The following SAMMSON variants were observed in gnomAD, a reference collection of about 807,000 sequenced individuals.
SAMMSON encodes long intergenic non-protein coding RNA 1212.
chr3:70,128,603 C>T (rs1165008884), intron 4 of SAMMSON, among the ~76,000 whole-genome samples: 1 of 152,180 alleles, frequency 6.6e-6, no homozygotes, highest in African/African-American at 2.4e-5. Flanking sequence ...TATCCTCTTT[C>T]AGAAATGTTT....
At chr3:70,365,950 T>C (rs1702916368) in intron 9 of SAMMSON, among the ~76,000 whole-genome samples, 1 of 150,816 alleles carries the variant, frequency 6.6e-6, no homozygotes, top group Non-Finnish European at 1.5e-5. Flanking sequence ...AGCTTAAAAA[T>C]TGTTTGTGCT....
At chr3:70,200,497 A>G (rs1701226981) in intron 4 of SAMMSON, among the ~76,000 whole-genome samples, 1 of 152,182 alleles carries the variant, frequency 6.6e-6, no homozygotes, top group African/African-American at 2.4e-5. Flanking sequence ...CCTGCATTGC[A>G]CACCCTCCTG....
At chr3:70,217,996 A>G (rs1440472819) in intron 4 of SAMMSON, among the ~76,000 whole-genome samples, 1 of 152,196 alleles carries the variant, frequency 6.6e-6, no homozygotes, top group African/African-American at 2.4e-5. Flanking sequence ...AGGACAAGAA[A>G]TCACAGGAGC....
rs71126477 is a variant in SAMMSON, at chr3:70,051,134, C to CAAAAAAAA, written n.418-20323_418-20316dup. 7.2e-3 allele frequency among the ~76,000 whole-genome samples: 328 copies of CAAAAAAAA among 45,270 alleles called. 2 individuals carry two copies. Among genetic ancestry groups the CAAAAAAAA allele is most frequent in the Non-Finnish European group, 9.4e-3 (232 of 24,788 alleles). 29.7% of individuals were successfully genotyped at this position (45,270 alleles called of 152,430 possible). A position where few individuals can be genotyped will look rare whatever the true frequency, so the allele number is the denominator to read the frequency against. ...TGGGCCACAGAGTGATACTCCATCT[C>CAAAAAAAA]AAAAAAAAAAAAAAAAAAAAAAAAA... On this transcript the variant is annotated intron_variant and non_coding_transcript_variant, in intron 3 of 9. Coordinates refer to ENST00000642114, the Ensembl canonical transcript of SAMMSON.
intron 3 of SAMMSON, among the ~76,000 whole-genome samples, chr3:70,048,678 A>G (rs1252909077): frequency 6.6e-6 from 1 of 152,108 alleles, no homozygotes; most frequent in Non-Finnish European, 1.5e-5. Context: ...AACTATTAAT[A>G]TTATTACAAT....
At chr3:70,317,875 T>C (rs1702506063) in intron 7 of SAMMSON, among the ~76,000 whole-genome samples, 1 of 151,882 alleles carries the variant, frequency 6.6e-6, no homozygotes, top group Non-Finnish European at 1.5e-5. Context: ...TGTCTAAAAA[T>C]GTCTTTAGTT....
intron 2 of SAMMSON, among the ~76,000 whole-genome samples, chr3:70,395,225 C>G (rs1343193628): frequency 6.6e-6 from 1 of 151,982 alleles, no homozygotes; most frequent in Non-Finnish European, 1.5e-5. Flanking sequence ...ATTGTCCGCT[C>G]CATTCCACTC....
chr3:70,390,324 G>T (rs1318442064), downstream of SAMMSON, among the ~76,000 whole-genome samples: 1 of 152,052 alleles, frequency 6.6e-6, no homozygotes, highest in Non-Finnish European at 1.5e-5. Flanking sequence ...TATCAAAATT[G>T]ATTCCAAGCA....
chr3:70,362,804 C>CTTTT (rs11360944), intron 9 of SAMMSON, among the ~76,000 whole-genome samples: 2 of 134,036 alleles, frequency 1.5e-5, no homozygotes, highest in African/African-American at 2.7e-5. Context: ...GAAAGATCTG[C>CTTTT]TTTTTTTTTT....
chr3:70,028,188 T>C (rs1427956417), intron 3 of SAMMSON, among the ~76,000 whole-genome samples: 2 of 142,364 alleles, frequency 1.4e-5, no homozygotes, highest in Admixed American at 6.8e-5. Flanking sequence ...CCTTCCTTCC[T>C]TTCTTTCTTT....
chr3:70,322,779 T>C (rs1413378324), intron 7 of SAMMSON, among the ~76,000 whole-genome samples: 1 of 152,144 alleles, frequency 6.6e-6, no homozygotes, highest in Non-Finnish European at 1.5e-5. Flanking sequence ...TGATCTTATC[T>C]GAGATAAAAT....
At chr3:70,002,294 T>C (rs2066908928) in intron 1 of SAMMSON, among the ~76,000 whole-genome samples, 1 of 152,182 alleles carries the variant, frequency 6.6e-6, no homozygotes, top group African/African-American at 2.4e-5. Flanking sequence ...TCAAACAGCG[T>C]TGAAGGCCCC....
At chr3:70,024,727 C>T (rs2067030519) in intron 3 of SAMMSON, 2 of 152,208 alleles carry the variant, frequency 1.3e-5, no homozygotes, top group African/African-American at 4.8e-5. Flanking sequence ...AGAAGACCGT[C>T]ATTTAGGCTG....
chr3:70,337,100 TC>T (rs1438980825), intron 7 of SAMMSON, among the ~76,000 whole-genome samples: 10 of 40,734 alleles, frequency 2.5e-4, no homozygotes, highest in Admixed American at 3.0e-4. Flanking sequence ...AATAATAATA[TC>T]TAACTTAATA....
At chr3:70,354,426 T>C (rs1195357443) in intron 8 of SAMMSON, 4 of 152,088 alleles carry the variant, frequency 2.6e-5, no homozygotes, top group African/African-American at 9.7e-5. Flanking sequence ...TCACGAAGAC[T>C]GGAAATAGTT....
At chr3:70,282,473 G>A (rs113294692) in intron 6 of SAMMSON, among the ~76,000 whole-genome samples, 3 of 152,146 alleles carry the variant, frequency 2.0e-5, no homozygotes, top group African/African-American at 7.2e-5. Context: ...GGCCTGCAAG[G>A]CCTGCTATGA....
chr3:70,078,846 G>A (rs1056290714), intron 4 of SAMMSON, among the ~76,000 whole-genome samples: 2 of 152,250 alleles, frequency 1.3e-5, no homozygotes, highest in Non-Finnish European at 2.9e-5. Context: ...CCTCACTTTA[G>A]TGCTGGCTCA....
At chr3:70,351,275 C>T (rs752479634) in intron 7 of SAMMSON, among the ~76,000 whole-genome samples, 5 of 152,002 alleles carry the variant, frequency 3.3e-5, no homozygotes, top group Admixed American at 6.6e-5. Flanking sequence ...TAAGGAAAAC[C>T]TCCAAATTTT....
intron 3 of SAMMSON, among the ~76,000 whole-genome samples, chr3:70,057,918 CA>C (rs2107590987): frequency 6.6e-6 from 1 of 152,038 alleles, no homozygotes; most frequent in South Asian, 2.1e-4. Flanking sequence ...AAACAAAATC[CA>C]GGTCCTCAGA....
Sources: gnomAD v4.1 joint callset for allele counts (sites outside exome capture counted in the v4.1 genomes callset) on GRCh38, gnomAD v4.1.1 for gene constraint, MANE v1.5 for transcripts, NCBI Gene and HGNC (gene_info 2026-07-23, HGNC 2026-07-21) for gene names.